FBN2: variants seen among roughly 807,000 people sequenced by gnomAD.
FBN2 encodes fibrillin 2.
A neutral mutation model predicts 355.6 loss-of-function variants in FBN2; 105 were observed. The ratio of observed to expected loss-of-function variants is 0.30; its 90% confidence interval spans 0.25 to 0.35. FBN2 has a LOEUF of 0.35. Among genes scored for constraint, FBN2 ranks in the 10% least tolerant of loss-of-function variants. The pLI, the probability that FBN2 is intolerant of heterozygous loss-of-function variation, is 1.00. For synonymous variants in FBN2, 1,350 were observed against 1,301.2 expected (o/e 1.04, Z -0.81); for missense variants, 3,280 against 3,758.7 (o/e 0.87, Z 3.33).
intron 7 of FBN2, among the ~76,000 whole-genome samples, chr5:128,418,317 T>C (rs1007101424): frequency 3.9e-5 from 6 of 152,140 alleles, no homozygotes; most frequent in Admixed American, 3.3e-4. Flanking sequence ...GTTGATCCTT[T>C]GTATTGTTTT....
intron 5 of FBN2, among the ~76,000 whole-genome samples, chr5:128,501,730 A>T (rs1040301498): frequency 6.6e-6 from 1 of 152,134 alleles, no homozygotes; most frequent in African/African-American, 2.4e-5. Flanking sequence ...CTTCTAAATA[A>T]ACTAAAAACA....
chr5:128,288,911 T>A (rs553235489), intron 52 of FBN2, among the ~76,000 whole-genome samples: 1 of 152,222 alleles, frequency 6.6e-6, no homozygotes. Context: ...TAAGATTTTG[T>A]ATGTTTGGTT....
chr5:128,519,411 C>T (rs748892084), intron 4 of FBN2, 43 bp from the exon 5 acceptor site: 2 of 1,455,138 alleles, frequency 1.4e-6, no homozygotes, highest in Non-Finnish European at 1.9e-6. Flanking sequence ...TAGCCAGTCT[C>T]CAAGCACAAT....
Position 128,300,916 on chromosome 5 carries a change from G to C in FBN2, c.6067C>G (p.Leu2023Val), listed in dbSNP as rs375990083. ...GTACCAGGAGAGCAAGAGCCGGGAAGGGCGACACACTCATTAGTGTCTTTA... is the reference window on the plus strand; with the variant it reads ...GTACCAGGAGAGCAAGAGCCGGGAACGGCGACACACTCATTAGTGTCTTTA... Reference protein sequence around the residue: ...NCIDTNECVALPGSCSPGTCQ... With the variant: ...NCIDTNECVAVPGSCSPGTCQ... Residue 2023 changes from leucine to valine, a missense_variant, in exon 48 of 65, where the codon CTT (leucine) becomes GTT (valine). Leu to Val is a conservative substitution (Grantham distance 32). This residue lies in a region of FBN2 where 2,284 missense variants were observed against 2,749.5 expected (regional missense o/e 0.83). Coordinates refer to ENST00000262464, the MANE Select transcript of FBN2 (RefSeq NM_001999.4). The C allele has an allele frequency of 6.2e-7, 1 of 1,613,740 alleles. No individual in the cohort carries two copies. The highest frequency in any genetic ancestry group is 8.5e-7 in the Non-Finnish European group (1 of 1,179,648).
chr5:128,304,224 A>G (rs1413855395), intron 45 of FBN2, among the ~76,000 whole-genome samples: 1 of 152,250 alleles, frequency 6.6e-6, no homozygotes, highest in African/African-American at 2.4e-5. Flanking sequence ...TCCCCTTTCA[A>G]GTGCAAAGCA....
intron 7 of FBN2, among the ~76,000 whole-genome samples, chr5:128,416,897 CAT>C (rs1753216733): frequency 6.6e-6 from 1 of 151,980 alleles, no homozygotes; most frequent in Non-Finnish European, 1.5e-5. Flanking sequence ...AAATGACATT[CAT>C]ATTTTGATAG....
chr5:128,487,368 G>A (rs1755365521), intron 5 of FBN2, among the ~76,000 whole-genome samples: 1 of 152,082 alleles, frequency 6.6e-6, no homozygotes, highest in Admixed American at 6.6e-5. Flanking sequence ...TTTTACGGTT[G>A]GTTGTTATGA....
chr5:128,501,339 C>T (rs1755803498), intron 5 of FBN2, among the ~76,000 whole-genome samples: 1 of 152,120 alleles, frequency 6.6e-6, no homozygotes, highest in Non-Finnish European at 1.5e-5. Flanking sequence ...CATAGGGGCT[C>T]AGAACATAAT....
intron 45 of FBN2, among the ~76,000 whole-genome samples, 200 bp downstream of exon 45, chr5:128,304,757 T>C (rs1749820595): frequency 6.6e-6 from 1 of 151,794 alleles, no homozygotes. Flanking sequence ...ATGTCCCTGC[T>C]TGCAAATTTT....
chr5:128,358,685 G>A (rs1465712644), intron 19 of FBN2, among the ~76,000 whole-genome samples: 1 of 151,924 alleles, frequency 6.6e-6, no homozygotes, highest in Non-Finnish European at 1.5e-5. Flanking sequence ...ATCAATCCGA[G>A]TAGAGAAACT....
At chr5:128,433,157 G>T (rs114205511) in intron 7 of FBN2, among the ~76,000 whole-genome samples, 1,837 of 152,180 alleles carry the variant, frequency 0.012, 48 homozygotes, top group African/African-American at 0.043. Context: ...AAAAAAAGAT[G>T]TTAGGGGTTT....
chr5:128,488,300 T>G (rs1755396071), intron 5 of FBN2, among the ~76,000 whole-genome samples: 1 of 152,134 alleles, frequency 6.6e-6, no homozygotes, highest in Non-Finnish European at 1.5e-5. Context: ...CTAGCAGTTT[T>G]TGTCAGCTGC....
intron 62 of FBN2, among the ~76,000 whole-genome samples, chr5:128,269,159 A>C (rs1313997164): frequency 6.6e-6 from 1 of 151,844 alleles, no homozygotes; most frequent in East Asian, 1.9e-4. Flanking sequence ...TCATGCCTGT[A>C]ATTCTAGCAC....
At chr5:128,465,702 G>A (rs1239940092) in intron 5 of FBN2, among the ~76,000 whole-genome samples, 2 of 152,188 alleles carry the variant, frequency 1.3e-5, no homozygotes, top group African/African-American at 4.8e-5. Flanking sequence ...GCAAGTGACT[G>A]TACATTGTCC....
chr5:128,390,009 G>T (rs1043143132), intron 11 of FBN2, among the ~76,000 whole-genome samples: 2 of 149,344 alleles, frequency 1.3e-5, no homozygotes, highest in African/African-American at 2.5e-5. Flanking sequence ...TCTCTATGGA[G>T]TTTTTTTTTT....
intron 2 of FBN2, among the ~76,000 whole-genome samples, chr5:128,532,063 A>G (rs1348993870): frequency 1.3e-5 from 2 of 152,156 alleles, no homozygotes; most frequent in Admixed American, 6.5e-5. Context: ...GAGACAGACA[A>G]CATGAAATTG....
chr5:128,272,165 T>A, intron 61 of FBN2, 47 bp from the exon 62 acceptor site: 1 of 1,612,192 alleles, frequency 6.2e-7, no homozygotes, highest in Non-Finnish European at 8.5e-7. Context: ...TTTCTTCTAC[T>A]ATTTTTAAAT....
In FBN2 at chr5:128,338,909, C is replaced by T. The variant is rs116343882; in HGVS notation, c.3472+24G>A. On this transcript the variant is annotated intron_variant, in intron 26 of 64. Transcript: ENST00000262464. ...CTGTGCTAGTATGGTTTCAAGCTGG[C>T]GAGGAAGAGCTCACGGTGCTTACCC... The T allele has an allele frequency of 2.7e-4, 438 of 1,612,590 alleles. No individual in the cohort carries two copies. The African/African-American group carries it at 5.1e-3, about 19-fold the overall frequency.
chr5:128,394,854 T>G (rs1026265036), intron 9 of FBN2, among the ~76,000 whole-genome samples: 1 of 152,104 alleles, frequency 6.6e-6, no homozygotes, highest in Admixed American at 6.5e-5. Flanking sequence ...GGCATGATCA[T>G]GGATGGCTGT....
Sources: gnomAD v4.1 joint callset for allele counts (sites outside exome capture counted in the v4.1 genomes callset) on GRCh38, gnomAD v4.1.1 for gene constraint, gnomAD v4.1.1 regional missense constraint, MANE v1.5 for transcripts, NCBI Gene and HGNC (gene_info 2026-07-23, HGNC 2026-07-21) for gene names.